Variants in TBC1D19 observed in about 807,000 individuals in gnomAD.
TBC1D19 encodes the protein TBC1 domain family member 19, also known as TBC1 domain family, member 19.
A neutral mutation model predicts 89.0 loss-of-function variants in TBC1D19; 60 were observed. That is an observed-to-expected ratio of 0.67 (90% CI 0.55 to 0.84). The LOEUF (loss-of-function observed/expected upper bound fraction) is 0.84, where lower values mean the gene tolerates loss of function less well. TBC1D19 is among the 40% of genes least tolerant of loss of function. The pLI is 0.00. For synonymous variants in TBC1D19, 189 were observed against 199.7 expected, an observed-to-expected ratio of 0.95 and a Z score of 0.45; for missense variants, 500 against 610.8, an observed-to-expected ratio of 0.82 and a Z score of 1.91.
At chr4:26,688,128 T>G (rs1313336626) in intron 12 of TBC1D19, among the ~76,000 whole-genome samples, 1 of 152,162 alleles carries the variant, frequency 6.6e-6, no homozygotes, top group Non-Finnish European at 1.5e-5. Context: ...AAAGAATTAC[T>G]AATGGGACCT....
chr4:26,790,651 A>G, the TBC1D19 span, among the ~76,000 whole-genome samples: 2 of 152,224 alleles, frequency 1.3e-5, no homozygotes, highest in African/African-American at 4.8e-5. Flanking sequence ...TCACCAAGAT[A>G]ATATTAAATT....
intron 11 of TBC1D19, among the ~76,000 whole-genome samples, chr4:26,682,027 G>A (rs1399395533): frequency 6.6e-6 from 1 of 152,114 alleles, no homozygotes; most frequent in South Asian, 2.1e-4. Context: ...GAAGGAAAAA[G>A]GATGTTTAAC....
chr4:26,645,955 C>T (rs1234264187), intron 7 of TBC1D19, among the ~76,000 whole-genome samples: 1 of 151,446 alleles, frequency 6.6e-6, no homozygotes, highest in Non-Finnish European at 1.5e-5. Context: ...AACCCCGTCT[C>T]TACTAAAAAT....
At chr4:26,749,825 G>A (rs1560512146) in intron 19 of TBC1D19, among the ~76,000 whole-genome samples, 2 of 152,076 alleles carry the variant, frequency 1.3e-5, no homozygotes, top group Non-Finnish European at 2.9e-5. Context: ...AATTACCCTG[G>A]TATAATCAGA....
intron 14 of TBC1D19, 87 bp from the exon 15 acceptor site, chr4:26,719,994 C>A: frequency 1.8e-6 from 2 of 1,089,930 alleles, no homozygotes; most frequent in African/African-American, 1.6e-5. Flanking sequence ...TTTAAAATTC[C>A]GTTGTTAGTA....
At position 26,755,052 on chromosome 4, in the gene TBC1D19, A is replaced by T. The variant is rs536385310; in HGVS notation, c.*105A>T. On this transcript the variant is annotated 3_prime_UTR_variant, in exon 21 of 21. Coordinates refer to ENST00000264866, the MANE Select transcript of TBC1D19 (RefSeq NM_018317.4). ...AAAATGAAACTTTGCATATAAGCCA[A>T]TAAAGATCATGTTCCCTCTTCAGTT... 7 of 987,644 alleles carry T rather than the reference A, an allele frequency of 7.1e-6. No individual in the cohort carries two copies. In the South Asian group the frequency reaches 1.0e-4, roughly 15 times the overall value. The allele number at this position is 987,644 out of a possible 1,614,324, so 61.2% of individuals were successfully genotyped here.
At chr4:26,814,012 T>C in the TBC1D19 span, among the ~76,000 whole-genome samples, 2 of 152,084 alleles carry the variant, frequency 1.3e-5, no homozygotes, top group African/African-American at 4.8e-5. Flanking sequence ...CATCAGCTCT[T>C]AGAGGTAGTA....
intron 4 of TBC1D19, among the ~76,000 whole-genome samples, chr4:26,634,048 A>G (rs534047860): frequency 1.2e-3 from 178 of 151,510 alleles, no homozygotes; most frequent in African/African-American, 4.1e-3. Context: ...TGTATTTTCA[A>G]TGCTAGATAG....
the TBC1D19 span, among the ~76,000 whole-genome samples, chr4:26,798,929 A>G: frequency 6.6e-6 from 1 of 152,132 alleles, no homozygotes; most frequent in African/African-American, 2.4e-5. Flanking sequence ...ATCTGGTACA[A>G]TGTTCACTAT....
In TBC1D19 at chr4:26,593,987, T is replaced by G. The variant is rs553196581; in HGVS notation, c.99+9695T>G. ...CCATTTGACCCAGCCATCCCATTAC[T>G]GGGTATATACCCAAAGGATTATAAA... On this transcript the variant is annotated intron_variant, in intron 1 of 20. Coordinates refer to ENST00000264866, the MANE Select transcript of TBC1D19 (RefSeq NM_018317.4). Among the ~76,000 whole-genome samples, 10 of 152,306 alleles carry G rather than the reference T, an allele frequency of 6.6e-5. No homozygotes were observed. The South Asian group carries it at 1.2e-3, about 19-fold the overall frequency.
chr4:26,786,786 T>C, the TBC1D19 span, among the ~76,000 whole-genome samples: 1 of 149,122 alleles, frequency 6.7e-6, no homozygotes, highest in Non-Finnish European at 1.5e-5. Flanking sequence ...GATGGATGGA[T>C]GGATGGATGG....
At chr4:26,852,263 TC>T in the TBC1D19 span, among the ~76,000 whole-genome samples, 1 of 152,158 alleles carries the variant, frequency 6.6e-6, no homozygotes, top group Admixed American at 6.5e-5. Flanking sequence ...GGTCTATAAA[TC>T]CTGTTGAGGC....
At chr4:26,774,717 C>T in the TBC1D19 span, among the ~76,000 whole-genome samples, 1 of 152,174 alleles carries the variant, frequency 6.6e-6, no homozygotes, top group African/African-American at 2.4e-5. Flanking sequence ...ATATTTTCTA[C>T]ATAAACGATA....
chr4:26,832,550 T>C, the TBC1D19 span, among the ~76,000 whole-genome samples: 3 of 152,260 alleles, frequency 2.0e-5, no homozygotes, highest in Non-Finnish European at 4.4e-5. Flanking sequence ...GTTTAATGTT[T>C]AGTTTTACAT....
At chr4:26,661,073 T>C (rs1292465115) in intron 8 of TBC1D19, among the ~76,000 whole-genome samples, 3 of 152,132 alleles carry the variant, frequency 2.0e-5, no homozygotes, top group Admixed American at 6.6e-5. Flanking sequence ...ATGTAGATTG[T>C]GTGAAAGTCT....
intron 15 of TBC1D19, among the ~76,000 whole-genome samples, chr4:26,725,366 T>C (rs1004650627): frequency 2.0e-5 from 3 of 152,176 alleles, no homozygotes; most frequent in African/African-American, 7.2e-5. Flanking sequence ...TCCACTCTTC[T>C]CAGTGACATC....
chr4:26,626,922 G>T (rs1742450108), intron 4 of TBC1D19, among the ~76,000 whole-genome samples: 1 of 144,844 alleles, frequency 6.9e-6, no homozygotes. Context: ...AAGTTTCAGG[G>T]TACATGTGCA....
intron 15 of TBC1D19, among the ~76,000 whole-genome samples, chr4:26,725,164 G>T (rs1243912165): frequency 6.6e-6 from 1 of 152,138 alleles, no homozygotes; most frequent in East Asian, 1.9e-4. Context: ...CTGCCAAGTT[G>T]GGGAGTAGGG....
upstream of TBC1D19, among the ~76,000 whole-genome samples, chr4:26,580,785 T>C (rs949714976): frequency 2.6e-5 from 4 of 152,280 alleles, no homozygotes; most frequent in African/African-American, 7.2e-5. Flanking sequence ...TGTTTCAGTG[T>C]ACCCTTGAAG....
Sources: allele counts gnomAD v4.1 joint callset (sites outside exome capture counted in the v4.1 genomes callset), GRCh38; gene constraint gnomAD v4.1.1; transcripts MANE v1.5; gene names NCBI Gene and HGNC (gene_info 2026-07-23, HGNC 2026-07-21).